The following TCTN1 variants were observed in gnomAD, a reference collection of about 807,000 sequenced individuals.
TCTN1 encodes tectonic family member 1, also known as tectonic-1.
Under a neutral mutation model 65.8 loss-of-function variants are expected in TCTN1, and 58 were observed. That is an observed-to-expected ratio of 0.88 (90% CI 0.71 to 1.10). The LOEUF (loss-of-function observed/expected upper bound fraction) is 1.10, where lower values mean the gene tolerates loss of function less well. Ranked by LOEUF, TCTN1 falls within the 50% of genes least tolerant of loss-of-function variation. The pLI is 0.00. For missense variants in TCTN1, 645 were observed against 719.4 expected (o/e 0.90, Z 1.18); for synonymous variants, 273 against 289.1 (o/e 0.94, Z 0.57).
chr12:110,637,027 C>T (rs948384832), intron 7 of TCTN1, among the ~76,000 whole-genome samples: 4 of 152,190 alleles, frequency 2.6e-5, no homozygotes, highest in African/African-American at 9.7e-5. Flanking sequence ...CTCTTCGTGG[C>T]TATGTCAGAA....
chr12:110,632,491 C>A lies in TCTN1; in HGVS notation c.644C>A (p.Thr215Asn), dbSNP rs545613207. ...TTGCAGTATGGGGTTCCTCTGCAGA[C>A]TTCAGATTCGTTTCTGAGATTTCCT... ...AKYEYGVPLQTSDSFLRFPSS... is the reference protein window; with the variant it reads ...AKYEYGVPLQNSDSFLRFPSS... The change falls in exon 5 of 15, where the codon ACT becomes AAT. Residue 215 changes from threonine (T) to asparagine (N), a missense_variant. Thr to Asn is a moderately conservative substitution (Grantham distance 65). Transcript: ENST00000397659. 11 of 1,614,032 alleles carry A rather than the reference C, an allele frequency of 6.8e-6. No homozygotes were observed. The East Asian group carries it at 2.5e-4, about 36-fold the overall frequency.
chr12:110,640,468 C>T lies in TCTN1; in HGVS notation c.929C>T (p.Thr310Ile), dbSNP rs1225119125. The T allele has an allele frequency of 6.2e-7, 1 of 1,614,236 alleles. No individual in the cohort carries two copies. The highest frequency in any genetic ancestry group is 1.1e-5 in the South Asian group (1 of 91,078). Reference sequence around the variant, plus strand: ...GAGGACACTGATGTGCTGCAGCCGACTCTCGTCAACGCTGGACACTTTAGC... The same window carrying T: ...GAGGACACTGATGTGCTGCAGCCGATTCTCGTCAACGCTGGACACTTTAGC... ...RREDTDVLQP[T>I]LVNAGHFSLC... The change falls in exon 8 of 15, where the codon ACT becomes ATT. Residue 310 changes from threonine to isoleucine, a missense_variant. Transcript: ENST00000397659. This position sits in a 1 kb window ranked among gnomAD's most constrained non-coding sequence, Gnocchi z 4.9.
chr12:110,632,995 C>T lies in TCTN1; in HGVS notation c.712+436C>T, dbSNP rs191238538. On this transcript the variant is annotated intron_variant, in intron 5 of 14. Coordinates refer to ENST00000397659, the MANE Select transcript of TCTN1 (RefSeq NM_001082538.3). ...TTGTATGTGTTTTCCCTTAAATACTCTCTGTAATCCCTTGAGGCCAGGTTA... is the reference window on the plus strand; with the variant it reads ...TTGTATGTGTTTTCCCTTAAATACTTTCTGTAATCCCTTGAGGCCAGGTTA... Among the ~76,000 whole-genome samples, 1,078 of 152,330 alleles carry T rather than the reference C, an allele frequency of 7.1e-3. 1 individual carries two copies. Among genetic ancestry groups the T allele is most frequent in the Non-Finnish European group, 9.4e-3 (640 of 68,028 alleles).
chr12:110,616,216 C>G, intron 1 of TCTN1: 3 of 428,540 alleles, frequency 7.0e-6, no homozygotes, highest in South Asian at 5.0e-5. Flanking sequence ...GCTGTTTTTC[C>G]AGTATAGGGG....
chr12:110,629,268 C>T (rs886519027), intron 4 of TCTN1: 1 of 348,002 alleles, frequency 2.9e-6, no homozygotes, highest in Non-Finnish European at 5.2e-6. Context: ...AACTAAAGAG[C>T]TTCTGCACAG....
At chr12:110,638,490 T>C (rs968902877) in intron 7 of TCTN1, among the ~76,000 whole-genome samples, 1 of 152,242 alleles carries the variant, frequency 6.6e-6, no homozygotes, top group Admixed American at 6.5e-5. Context: ...GAGCCATCAG[T>C]GAAAGATTCC....
chr12:110,641,025 T>C lies in TCTN1; in HGVS notation c.980T>C (p.Val327Ala). Residue 327 changes from valine (V) to alanine (A), a missense_variant and splice_region_variant, in exon 9 of 15, where the codon GTA becomes GCA. Val to Ala is a moderately conservative substitution (Grantham distance 64, BLOSUM62 0). Coordinates refer to ENST00000397659, the MANE Select transcript of TCTN1 (RefSeq NM_001082538.3). The stretch of plus-strand genomic sequence containing the variant: ...TTTGGAGTATCATTTTGTTTTTAGG[T>C]AAAGTACAGCCTCACATACACAGAT... Reference protein sequence around the residue: ...FSLCVNVVLEVKYSLTYTDAG... With the variant: ...FSLCVNVVLEAKYSLTYTDAG... 6.2e-7 allele frequency: 1 copy of C among 1,614,208 alleles called. No individual in the cohort carries two copies. Among genetic ancestry groups the C allele is most frequent in the East Asian group, 2.2e-5 (1 of 44,886 alleles).
At chr12:110,637,844 A>G (rs2066683137) in intron 7 of TCTN1, among the ~76,000 whole-genome samples, 1 of 152,182 alleles carries the variant, frequency 6.6e-6, no homozygotes, top group Non-Finnish European at 1.5e-5. Context: ...CCTTATTTCT[A>G]ACGCAGCGTC....
rs747128575 is a variant in TCTN1, at chr12:110,644,974, G to A, written c.1339G>A (p.Gly447Arg). The change falls in exon 12 of 15, where the codon GGA becomes AGA. Residue 447 changes from glycine (G) to arginine (R), a missense_variant. Gly to Arg is a moderately radical substitution (Grantham distance 125). Transcript: ENST00000397659. The surrounding 1 kb of genome is among the most constrained non-coding windows in gnomAD (Gnocchi z 4.6). ...MQSGCKLRLT[G>R]ALPCQLVAQK... ...TCTTTTTCCTTCACCAAGACTGACT[G>A]GAGCTCTCCCGTGTCAGCTCGTAGC... 2.5e-6 allele frequency: 4 copies of A among 1,614,220 alleles called. No homozygotes were observed. Among genetic ancestry groups the A allele is most frequent in the Non-Finnish European group, 2.5e-6 (3 of 1,180,044 alleles).
At chr12:110,641,500 A>G (rs2066949193) in intron 9 of TCTN1, 42 bp from the exon 10 acceptor site, 2 of 1,564,188 alleles carry the variant, frequency 1.3e-6, no homozygotes, top group African/African-American at 2.7e-5. Context: ...TTTCCTTATT[A>G]AAATGAGAAT....
chr12:110,642,202 C>G, intron 10 of TCTN1, 47 bp from the exon 11 acceptor site: 1 of 1,613,236 alleles, frequency 6.2e-7, no homozygotes, highest in Non-Finnish European at 8.5e-7. Context: ...TACCTGAGAA[C>G]CAGGCTGCTC....
rs2066895589 is a variant in TCTN1, at chr12:110,640,630, T to A, written c.978+113T>A. 1.3e-6 allele frequency: 2 copies of A among 1,483,842 alleles called. No individual in the cohort carries two copies. Among genetic ancestry groups the A allele is most frequent in the Admixed American group, 3.5e-5 (2 of 57,646 alleles). 91.9% of individuals were successfully genotyped at this position (1,483,842 alleles called of 1,614,324 possible). ...GCTCTGTCCCAGCCCATGGTGTGGCTTTTCTTGGCTCAGCTGCCTGCTTGT... is the reference window on the plus strand; with the variant it reads ...GCTCTGTCCCAGCCCATGGTGTGGCATTTCTTGGCTCAGCTGCCTGCTTGT... On this transcript the variant is annotated intron_variant, in intron 8 of 14. Coordinates refer to ENST00000397659, the MANE Select transcript of TCTN1 (RefSeq NM_001082538.3). This position sits in a 1 kb window ranked among gnomAD's most constrained non-coding sequence, Gnocchi z 4.9.
chr12:110,620,235 G>T (rs942033383), intron 2 of TCTN1, among the ~76,000 whole-genome samples: 1 of 151,968 alleles, frequency 6.6e-6, no homozygotes, highest in Non-Finnish European at 1.5e-5. Flanking sequence ...GTGAAACCCC[G>T]TCTCTACTAA....
intron 9 of TCTN1, 83 bp downstream of exon 9, chr12:110,641,232 C>T (rs1476272451): frequency 1.9e-6 from 3 of 1,575,770 alleles, no homozygotes; most frequent in Admixed American, 1.7e-5. Flanking sequence ...AACTGAATTT[C>T]TAAGTATTAC....
chr12:110,618,466 C>T (rs1240478362), intron 1 of TCTN1, among the ~76,000 whole-genome samples: 3 of 152,038 alleles, frequency 2.0e-5, no homozygotes, highest in Non-Finnish European at 4.4e-5. Context: ...GTCTCAATCT[C>T]CTGACCTTGT....
chr12:110,631,179 T>G (rs1593296097), intron 4 of TCTN1, among the ~76,000 whole-genome samples: 1 of 152,106 alleles, frequency 6.6e-6, no homozygotes, highest in East Asian at 1.9e-4. Flanking sequence ...TTGGCCAGGC[T>G]GGTCTTCAGC....
intron 4 of TCTN1, among the ~76,000 whole-genome samples, chr12:110,631,383 C>T (rs1386482761): frequency 6.6e-6 from 1 of 151,520 alleles, no homozygotes; most frequent in African/African-American, 2.4e-5. Context: ...CCTATAATCC[C>T]AGCACTTTGG....
intron 4 of TCTN1, 121 bp from the exon 5 acceptor site, chr12:110,632,349 GTT>G (rs1411751465): frequency 2.1e-6 from 2 of 955,958 alleles, no homozygotes; most frequent in Non-Finnish European, 3.4e-6. Context: ...GACCACATCT[GTT>G]TTTTGCTCAT....
intron 2 of TCTN1, among the ~76,000 whole-genome samples, chr12:110,622,285 C>G (rs1450559490): frequency 6.6e-6 from 1 of 152,152 alleles, no homozygotes; most frequent in African/African-American, 2.4e-5. Context: ...GCTCCCCTGA[C>G]CCTTGCCTCT....
Sources: allele counts gnomAD v4.1 joint callset (sites outside exome capture counted in the v4.1 genomes callset), GRCh38; gene constraint gnomAD v4.1.1; non-coding constraint Gnocchi (gnomAD v3.1); transcripts MANE v1.5; gene names NCBI Gene and HGNC (gene_info 2026-07-23, HGNC 2026-07-21).